MAP2: variants seen among roughly 807,000 people sequenced by gnomAD.
MAP2 encodes microtubule associated protein 2, also known as microtubule-associated protein 2.
MAP2 carries 14 observed loss-of-function variants against 137.6 expected under a neutral mutation model. That is an observed-to-expected ratio of 0.10 (90% CI 0.07 to 0.16). The LOEUF is 0.16. MAP2 is among the 10% of genes least tolerant of loss of function. MAP2 has a pLI of 1.00. For synonymous variants in MAP2, 786 were observed against 782.3 expected, an observed-to-expected ratio of 1.00 and a Z score of -0.08; for missense variants, 2,088 against 2,191.5, an observed-to-expected ratio of 0.95 and a Z score of 0.94.
chr2:209,641,135 C>G (rs1161520611), intron 4 of MAP2, among the ~76,000 whole-genome samples: 1 of 151,978 alleles, frequency 6.6e-6, no homozygotes, highest in Non-Finnish European at 1.5e-5. Context: ...TATCTCAAAC[C>G]CAAGGATCTT....
intron 2 of MAP2, among the ~76,000 whole-genome samples, chr2:209,567,098 T>C (rs74739413): frequency 0.02 from 2,998 of 152,194 alleles, 96 homozygotes; most frequent in African/African-American, 0.068. Flanking sequence ...TAAAAATAAA[T>C]AAATACCATG....
intron 1 of MAP2, among the ~76,000 whole-genome samples, chr2:209,505,975 A>AAAAAG (rs765656421): frequency 2.6e-5 from 4 of 152,178 alleles, no homozygotes; most frequent in African/African-American, 4.8e-5. Context: ...CTGTCTCAAA[A>AAAAAG]AAAAGAAAAG....
intron 4 of MAP2, among the ~76,000 whole-genome samples, chr2:209,636,029 A>G (rs1157602077): frequency 2.0e-5 from 3 of 152,094 alleles, no homozygotes; most frequent in Non-Finnish European, 4.4e-5. Context: ...TGATGATTTT[A>G]CCTAAACCTA....
chr2:209,708,241 G>T (rs1436501443), intron 12 of MAP2, among the ~76,000 whole-genome samples: 1 of 152,208 alleles, frequency 6.6e-6, no homozygotes, highest in Non-Finnish European at 1.5e-5. Flanking sequence ...CAAGTTGGAT[G>T]TGGTTGTGTC....
intron 5 of MAP2, among the ~76,000 whole-genome samples, chr2:209,662,332 C>T (rs2044041847): frequency 6.6e-6 from 1 of 152,198 alleles, no homozygotes; most frequent in Admixed American, 6.5e-5. Context: ...AATGTCAGAA[C>T]TACATCACAA....
chr2:209,563,947 G>C (rs1039731985), intron 2 of MAP2, among the ~76,000 whole-genome samples: 1 of 152,108 alleles, frequency 6.6e-6, no homozygotes, highest in Non-Finnish European at 1.5e-5. Context: ...CTAACTTTAA[G>C]CAATGTTTGT....
At position 209,694,928 on chromosome 2, in the gene MAP2, G is replaced by C; in HGVS notation, c.2758G>C (p.Ala920Pro). The C allele has an allele frequency of 6.2e-7, 1 of 1,614,160 alleles. No homozygotes were observed. The highest frequency in any genetic ancestry group is 8.5e-7 in the Non-Finnish European group (1 of 1,180,024). Residue 920 changes from alanine to proline, a missense_variant, in exon 8 of 16, where the codon GCA becomes CCA. This residue lies in a region of MAP2 where 500 missense variants were observed against 482.9 expected (regional missense o/e 1.04). Transcript: ENST00000682079. ...TDLSLIEVKL[A>P]AAGRVKDEFS... ...CCTTTCACTGATTGAAGTGAAACTG[G>C]CAGCAGCCGGAAGAGTCAAAGATGA... is the stretch of plus-strand genomic sequence containing the variant.
chr2:209,531,802 A>C (rs1347352629), intron 2 of MAP2, among the ~76,000 whole-genome samples: 3 of 152,184 alleles, frequency 2.0e-5, no homozygotes, highest in Non-Finnish European at 4.4e-5. Flanking sequence ...GGTATTGGGC[A>C]TTGACCAAAT....
intron 1 of MAP2, among the ~76,000 whole-genome samples, chr2:209,489,159 A>G (rs2058766310): frequency 2.0e-5 from 3 of 152,218 alleles, no homozygotes; most frequent in African/African-American, 2.4e-5. Flanking sequence ...GGTCTGGAGT[A>G]GACCTCCAGC....
chr2:209,625,340 T>C (rs2092097338), intron 4 of MAP2, among the ~76,000 whole-genome samples: 1 of 152,180 alleles, frequency 6.6e-6, no homozygotes. Context: ...GTTGACTTAA[T>C]AGTAAGAAAA....
At chr2:209,437,440 A>G (rs1696618584) in intron 1 of MAP2, among the ~76,000 whole-genome samples, 1 of 151,660 alleles carries the variant, frequency 6.6e-6, no homozygotes, top group African/African-American at 2.4e-5. Context: ...GACTTATAGT[A>G]TAACTGTGAA....
chr2:209,701,614 T>C (rs1042225339), intron 11 of MAP2, among the ~76,000 whole-genome samples: 14 of 152,052 alleles, frequency 9.2e-5, no homozygotes, highest in African/African-American at 3.1e-4. Flanking sequence ...TCCACTTTTA[T>C]TTATTATGAA....
At chr2:209,596,492 G>T (rs1483184952) in intron 3 of MAP2, among the ~76,000 whole-genome samples, 1 of 152,120 alleles carries the variant, frequency 6.6e-6, no homozygotes, top group African/African-American at 2.4e-5. Context: ...AAATGTTAAT[G>T]GATCTAGTGA....
intron 3 of MAP2, among the ~76,000 whole-genome samples, chr2:209,610,963 A>C (rs1460990079): frequency 1.3e-5 from 2 of 152,162 alleles, no homozygotes; most frequent in Non-Finnish European, 2.9e-5. Flanking sequence ...CATGGGCATG[A>C]ATCCAAAGCT....
At chr2:209,556,325 C>T (rs889071405) in intron 2 of MAP2, among the ~76,000 whole-genome samples, 2 of 152,136 alleles carry the variant, frequency 1.3e-5, no homozygotes, top group East Asian at 3.9e-4. Flanking sequence ...ATTGTAGGCG[C>T]GAGCCACTGC....
intron 2 of MAP2, among the ~76,000 whole-genome samples, chr2:209,515,476 T>G (rs2062354733): frequency 6.6e-6 from 1 of 152,082 alleles, no homozygotes; most frequent in Admixed American, 6.5e-5. Context: ...GCAGGCACTT[T>G]CTTCACCTTC....
chr2:209,475,124 C>G (rs1706860587), intron 1 of MAP2, among the ~76,000 whole-genome samples: 1 of 152,022 alleles, frequency 6.6e-6, no homozygotes, highest in Non-Finnish European at 1.5e-5. Flanking sequence ...TCTTTAAACA[C>G]AATCTGTTAC....
chr2:209,590,109 C>A (rs1284782442), intron 3 of MAP2, among the ~76,000 whole-genome samples: 1 of 152,100 alleles, frequency 6.6e-6, no homozygotes, highest in Non-Finnish European at 1.5e-5. Flanking sequence ...TTCCTCAGTT[C>A]TCCTTTCCAC....
intron 2 of MAP2, among the ~76,000 whole-genome samples, chr2:209,571,345 C>T (rs2074367027): frequency 6.6e-6 from 1 of 151,938 alleles, no homozygotes; most frequent in Non-Finnish European, 1.5e-5. Flanking sequence ...TCTTCCAAGT[C>T]AATACAGTCT....
Sources: allele counts gnomAD v4.1 joint callset (sites outside exome capture counted in the v4.1 genomes callset), GRCh38; gene constraint gnomAD v4.1.1; regional missense constraint gnomAD v4.1.1; transcripts MANE v1.5; gene names NCBI Gene and HGNC (gene_info 2026-07-23, HGNC 2026-07-21).